The following XPO6 variants were observed in gnomAD, a reference collection of about 807,000 sequenced individuals.
XPO6 encodes exportin-6.
A neutral mutation model predicts 130.0 loss-of-function variants in XPO6; 3 were observed. That is an observed-to-expected ratio of 0.02 (90% confidence interval 0.01 to 0.06). The LOEUF is 0.06. Ranked by LOEUF, XPO6 falls within the 10% of genes least tolerant of loss-of-function variation. The pLI, the probability that XPO6 is intolerant of heterozygous loss-of-function variation, is 1.00. For missense variants in XPO6, 970 were observed against 1,393.0 expected, an observed-to-expected ratio of 0.70 and a Z score of 4.83; for synonymous variants, 524 against 548.9, an observed-to-expected ratio of 0.95 and a Z score of 0.63.
chr16:28,157,045 T>C (rs994724714), intron 6 of XPO6, among the ~76,000 whole-genome samples: 3 of 151,974 alleles, frequency 2.0e-5, no homozygotes, highest in Non-Finnish European at 4.4e-5. Flanking sequence ...GATAAAACTT[T>C]AAAGTTAACA....
chr16:28,163,398 T>C (rs1380081220), intron 6 of XPO6, among the ~76,000 whole-genome samples: 1 of 152,266 alleles, frequency 6.6e-6, no homozygotes, highest in African/African-American at 2.4e-5. Flanking sequence ...TTTGAAACTA[T>C]ATATCATGTG....
intron 8 of XPO6, among the ~76,000 whole-genome samples, chr16:28,152,000 T>C (rs371269323): frequency 2.0e-5 from 3 of 152,210 alleles, no homozygotes; most frequent in East Asian, 3.8e-4. Flanking sequence ...AGTTATACAA[T>C]TACAATGAGT....
chr16:28,171,878 TAA>T (rs1363837851), intron 4 of XPO6, among the ~76,000 whole-genome samples: 2 of 152,212 alleles, frequency 1.3e-5, no homozygotes, highest in Non-Finnish European at 2.9e-5. Flanking sequence ...GTCTATATTC[TAA>T]AAGATTCCCA....
intron 21 of XPO6, 106 bp from the exon 22 acceptor site, chr16:28,102,051 G>A: frequency 2.3e-6 from 2 of 887,364 alleles, no homozygotes; most frequent in Non-Finnish European, 3.5e-6. Flanking sequence ...CCATTGTCTT[G>A]ATGCTTCTGG....
At chr16:28,122,397 G>T (rs2141266788) in intron 13 of XPO6, among the ~76,000 whole-genome samples, 1 of 152,238 alleles carries the variant, frequency 6.6e-6, no homozygotes, top group South Asian at 2.1e-4. Flanking sequence ...CAAGGTGGGA[G>T]GATCACTTGA....
chr16:28,178,612 A>C (rs1342637086), intron 2 of XPO6, among the ~76,000 whole-genome samples: 1 of 151,848 alleles, frequency 6.6e-6, no homozygotes, highest in African/African-American at 2.4e-5. Context: ...GAAAAAAAAA[A>C]ACTCGACAAC....
intron 5 of XPO6, among the ~76,000 whole-genome samples, chr16:28,168,257 G>A (rs1204948425): frequency 6.6e-6 from 1 of 152,144 alleles, no homozygotes; most frequent in African/African-American, 2.4e-5. Context: ...GGCTAAGGCA[G>A]GAGGATCACT....
At chr16:28,189,644 T>A (rs1405979831) in intron 1 of XPO6, among the ~76,000 whole-genome samples, 2 of 152,160 alleles carry the variant, frequency 1.3e-5, no homozygotes, top group Non-Finnish European at 2.9e-5. Context: ...GTAACAGGAC[T>A]GCTAAGGCTG....
At chr16:28,176,228 A>C (rs2043531572) in intron 3 of XPO6, 133 bp from the exon 4 acceptor site, 1 of 739,728 alleles carries the variant, frequency 1.4e-6, no homozygotes, top group African/African-American at 1.8e-5. Context: ...GCAATATGGC[A>C]ATAAGAATAA....
At chr16:28,155,814 G>A (rs991987050) in intron 7 of XPO6, 2 of 800,294 alleles carry the variant, frequency 2.5e-6, no homozygotes, top group Non-Finnish European at 3.4e-6. Context: ...AGGAGTAGAA[G>A]GGAGGACAGG....
chr16:28,166,425 T>C, intron 6 of XPO6, 83 bp downstream of exon 6: 1 of 1,461,262 alleles, frequency 6.8e-7, no homozygotes, highest in Non-Finnish European at 9.4e-7. Context: ...TCCTCAGTAC[T>C]GAGGACTACA....
chr16:28,167,125 A>G, intron 5 of XPO6: 1 of 984,670 alleles, frequency 1.0e-6, no homozygotes, highest in Non-Finnish European at 1.2e-6. Context: ...GCTTCAATAT[A>G]TTCTGAAGCC....
rs77427164 is a variant in XPO6, at chr16:28,149,120, C to G, written c.1225-2917G>C. Among the ~76,000 whole-genome samples, 1,155 of 151,380 alleles carry G rather than the reference C, an allele frequency of 7.6e-3. 3 individuals are homozygous for G. The highest frequency in any genetic ancestry group is 0.019 in the African/African-American group (767 of 41,264). ...GGCTCTGTGGTCCACAGCCCTCCCC[C>G]CCAGGGTATACCATCTCAGGCACAG... On this transcript the variant is annotated intron_variant, in intron 8 of 23. Transcript: ENST00000304658.
At chr16:28,145,394 A>G (rs1368082917) in intron 9 of XPO6, among the ~76,000 whole-genome samples, 1 of 152,182 alleles carries the variant, frequency 6.6e-6, no homozygotes, top group Non-Finnish European at 1.5e-5. Context: ...AACATATTGT[A>G]CAGGAAATAT....
chr16:28,102,064 C>G, intron 21 of XPO6, 119 bp from the exon 22 acceptor site: 1 of 777,710 alleles, frequency 1.3e-6, no homozygotes, highest in Non-Finnish European at 2.1e-6. Flanking sequence ...GCTTCTGGCC[C>G]ACCAGCTCAG....
At chr16:28,148,770 G>C (rs983701311) in intron 8 of XPO6, among the ~76,000 whole-genome samples, 2 of 152,086 alleles carry the variant, frequency 1.3e-5, no homozygotes, top group Non-Finnish European at 2.9e-5. Flanking sequence ...GGCCAGGCAC[G>C]GTGGTTCACA....
intron 12 of XPO6, among the ~76,000 whole-genome samples, chr16:28,128,660 AAGCCGTCCCCTCTGCCC>A (rs2042607970): frequency 1.3e-5 from 2 of 152,204 alleles, no homozygotes; most frequent in African/African-American, 4.8e-5. Context: ...CGCCCTGACC[AAGCCGTCCCCTCTGCCC>A]AGCACTTCCC....
chr16:28,135,182 A>G (rs1044218578), intron 10 of XPO6, 34 bp downstream of exon 10: 10 of 1,569,242 alleles, frequency 6.4e-6, no homozygotes, highest in Non-Finnish European at 6.1e-6. Flanking sequence ...ACAACATGAC[A>G]GCGACAAAAA....
Position 28,098,400 on chromosome 16 carries a change from G to A in XPO6, c.*138C>T, listed in dbSNP as rs1224826360. ...GGCAGCGGCAAGATGTGGAGGAGCG[G>A]CAGAGGCAGGCAGCGTTGCTTGCGG... On this transcript the variant is annotated 3_prime_UTR_variant, in exon 24 of 24. Coordinates refer to ENST00000304658, the MANE Select transcript of XPO6 (RefSeq NM_015171.4). 5.7e-6 allele frequency: 4 copies of A among 700,602 alleles called. No homozygotes were observed. The highest frequency in any genetic ancestry group is 1.8e-5 in the South Asian group (1 of 54,376). 43.4% of individuals were successfully genotyped at this position (700,602 alleles called of 1,614,324 possible).
Sources: allele counts gnomAD v4.1 joint callset (sites outside exome capture counted in the v4.1 genomes callset), GRCh38; gene constraint gnomAD v4.1.1; transcripts MANE v1.5; gene names NCBI Gene and HGNC (gene_info 2026-07-23, HGNC 2026-07-21).